The following NR3C1 variants were observed in gnomAD, a reference collection of about 807,000 sequenced individuals.
NR3C1 encodes glucocorticoid receptor.
In NR3C1, 14 loss-of-function variants were observed where a neutral mutation model predicts 74.0. That is an observed-to-expected ratio of 0.19 (90% CI 0.12 to 0.30). The LOEUF is 0.30. Ranked by LOEUF, NR3C1 falls within the 10% of genes least tolerant of loss-of-function variation. The pLI, the probability that NR3C1 is intolerant of heterozygous loss-of-function variation, is 1.00. For synonymous variants in NR3C1, 308 were observed against 332.5 expected, an observed-to-expected ratio of 0.93 and a Z score of 0.80; for missense variants, 695 against 909.8, an observed-to-expected ratio of 0.76 and a Z score of 3.04.
intron 2 of NR3C1, among the ~76,000 whole-genome samples, chr5:143,368,230 A>C (rs1384783161): frequency 1.3e-5 from 2 of 152,214 alleles, no homozygotes; most frequent in Non-Finnish European, 2.9e-5. Flanking sequence ...CCATATACAC[A>C]AATTAATTCA....
At chr5:143,289,102 T>C (rs1422631600) in intron 7 of NR3C1, among the ~76,000 whole-genome samples, 1 of 133,658 alleles carries the variant, frequency 7.5e-6, no homozygotes, top group South Asian at 2.4e-4. Flanking sequence ...GAAGTGGAAA[T>C]GCAAGGAAAC....
intron 2 of NR3C1, among the ~76,000 whole-genome samples, chr5:143,362,281 A>T (rs1223353912): frequency 6.6e-6 from 1 of 152,126 alleles, no homozygotes; most frequent in Non-Finnish European, 1.5e-5. Context: ...CTAGCTTAGC[A>T]GTAGCCATGA....
At chr5:143,359,463 C>T (rs1445461233) in intron 2 of NR3C1, among the ~76,000 whole-genome samples, 1 of 152,206 alleles carries the variant, frequency 6.6e-6, no homozygotes, top group Non-Finnish European at 1.5e-5. Context: ...CAAAAGTTCT[C>T]TCTTATTTCC....
chr5:143,293,795 G>A (rs963530048), intron 7 of NR3C1: 96 of 715,880 alleles, frequency 1.3e-4, no homozygotes, highest in East Asian at 4.0e-4. Context: ...AGAAGAACTC[G>A]TGATATTATT....
chr5:143,302,556 C>T (rs1818720854), intron 4 of NR3C1, among the ~76,000 whole-genome samples: 1 of 151,928 alleles, frequency 6.6e-6, no homozygotes. Context: ...TATTTCTTTA[C>T]TCCACATTAG....
chr5:143,394,444 C>A lies in NR3C1; in HGVS notation c.1184+5212G>T, dbSNP rs561914325. Among the ~76,000 whole-genome samples, 7 of 151,760 alleles carry A rather than the reference C, an allele frequency of 4.6e-5. No homozygotes were observed. The South Asian group carries it at 1.5e-3, about 32-fold the overall frequency. On this transcript the variant is annotated intron_variant, in intron 2 of 8. Coordinates refer to ENST00000394464, the MANE Select transcript of NR3C1 (RefSeq NM_000176.3). ...TACATAACCCATAGAAATATATTACCAAAGAAAAGGGTTGCTCTCCAGTCA... is the reference window on the plus strand; with the variant it reads ...TACATAACCCATAGAAATATATTACAAAAGAAAAGGGTTGCTCTCCAGTCA...
intron 1 of NR3C1, among the ~76,000 whole-genome samples, chr5:143,417,618 GGTAAAGTAACTTATTATTACGCTTTCA>G (rs1750975590): frequency 6.6e-6 from 1 of 152,062 alleles, no homozygotes; most frequent in Non-Finnish European, 1.5e-5. Flanking sequence ...ATTAATGCAT[GGTAAAGTAACTTATTATTACGCTTTCA>G]GAAAGTGAGA....
chr5:143,285,899 A>G (rs1037752513), intron 7 of NR3C1, among the ~76,000 whole-genome samples: 5 of 151,840 alleles, frequency 3.3e-5, no homozygotes, highest in African/African-American at 1.2e-4. Context: ...TGCATAAACA[A>G]CAACAAAATC....
intron 2 of NR3C1, among the ~76,000 whole-genome samples, chr5:143,362,956 A>G (rs1488192685): frequency 3.3e-5 from 5 of 152,170 alleles, no homozygotes; most frequent in Non-Finnish European, 7.3e-5. Flanking sequence ...CACATGCATG[A>G]GTAGGGCTGT....
intron 2 of NR3C1, among the ~76,000 whole-genome samples, chr5:143,376,520 T>C (rs1053834356): frequency 2.6e-5 from 4 of 152,240 alleles, no homozygotes; most frequent in Non-Finnish European, 5.9e-5. Context: ...GGCTTTATTA[T>C]AATGTAACTA....
intron 1 of NR3C1, among the ~76,000 whole-genome samples, chr5:143,432,331 A>G (rs532553420): frequency 6.6e-6 from 1 of 152,334 alleles, no homozygotes; most frequent in Middle Eastern, 3.4e-3. Flanking sequence ...TCTAGCATAT[A>G]TTCCAAATTC....
At chr5:143,354,557 A>G (rs796839405) in intron 2 of NR3C1, among the ~76,000 whole-genome samples, 1 of 152,196 alleles carries the variant, frequency 6.6e-6, no homozygotes, top group Non-Finnish European at 1.5e-5. Flanking sequence ...GGCCAGTTGG[A>G]AGAGCAGTCA....
At chr5:143,322,332 A>C (rs759551332) in intron 2 of NR3C1, among the ~76,000 whole-genome samples, 2 of 152,212 alleles carry the variant, frequency 1.3e-5, no homozygotes, top group African/African-American at 4.8e-5. Context: ...ACTATGATAA[A>C]GTGTCAGAAC....
chr5:143,297,536 A>T (rs539191940), intron 6 of NR3C1, among the ~76,000 whole-genome samples: 2 of 152,370 alleles, frequency 1.3e-5, no homozygotes, highest in African/African-American at 4.8e-5. Flanking sequence ...TTAAAATTGG[A>T]TCCAACTACC....
chr5:143,382,748 CTA>C (rs1291632851), intron 2 of NR3C1, among the ~76,000 whole-genome samples: 1 of 152,200 alleles, frequency 6.6e-6, no homozygotes, highest in African/African-American at 2.4e-5. Flanking sequence ...ATTTGGAATT[CTA>C]TGATTCTTTG....
At chr5:143,328,270 T>C (rs1825091219) in intron 2 of NR3C1, among the ~76,000 whole-genome samples, 1 of 152,176 alleles carries the variant, frequency 6.6e-6, no homozygotes, top group Non-Finnish European at 1.5e-5. Flanking sequence ...CAGGGCACCA[T>C]GTCGTGAGGC....
intron 2 of NR3C1, among the ~76,000 whole-genome samples, chr5:143,361,513 T>C (rs1307422633): frequency 1.3e-5 from 2 of 152,270 alleles, no homozygotes; most frequent in East Asian, 3.9e-4. Flanking sequence ...GCAAGCCGGG[T>C]GGATTTCTCT....
chr5:143,385,079 G>A (rs1836943426), intron 2 of NR3C1, among the ~76,000 whole-genome samples: 1 of 152,226 alleles, frequency 6.6e-6, no homozygotes, highest in Admixed American at 6.5e-5. Context: ...GGCTGCCAAG[G>A]TTTGAGGCTT....
At chr5:143,421,723 C>A (rs1004589859) in intron 1 of NR3C1, among the ~76,000 whole-genome samples, 1 of 151,836 alleles carries the variant, frequency 6.6e-6, no homozygotes, top group Non-Finnish European at 1.5e-5. Context: ...CCCCAGGAGG[C>A]AGAAGTTGCA....
Sources: gnomAD v4.1 joint callset for allele counts (sites outside exome capture counted in the v4.1 genomes callset) on GRCh38, gnomAD v4.1.1 for gene constraint, MANE v1.5 for transcripts, NCBI Gene and HGNC (gene_info 2026-07-23, HGNC 2026-07-21) for gene names.